ANO10: variants seen among roughly 807,000 people sequenced by gnomAD.
ANO10 encodes anoctamin 10, also known as anoctamin-10.
In ANO10, 77 loss-of-function variants were observed where a neutral mutation model predicts 74.7. That is an observed-to-expected ratio of 1.03 (90% CI 0.86 to 1.25). ANO10 has a LOEUF of 1.25. Ranked by LOEUF, ANO10 falls within the 50% of genes most tolerant of loss-of-function variation. The pLI, the probability that ANO10 is intolerant of heterozygous loss-of-function variation, is 0.00. For synonymous variants in ANO10, 279 were observed against 284.9 expected, an observed-to-expected ratio of 0.98 and a Z score of 0.21; for missense variants, 721 against 778.1, an observed-to-expected ratio of 0.93 and a Z score of 0.87.
At chr3:43,536,406 C>T (rs940012449) in intron 11 of ANO10, among the ~76,000 whole-genome samples, 1 of 152,142 alleles carries the variant, frequency 6.6e-6, no homozygotes, top group Non-Finnish European at 1.5e-5. Flanking sequence ...TAGCATATTA[C>T]TTTCTACATA....
chr3:43,685,222 T>C (rs2084259960), intron 1 of ANO10, among the ~76,000 whole-genome samples: 1 of 152,226 alleles, frequency 6.6e-6, no homozygotes, highest in Non-Finnish European at 1.5e-5. Context: ...ATTTCTGATA[T>C]TGTTCATTTT....
intron 1 of ANO10, chr3:43,691,296 A>C: frequency 5.1e-5 from 16 of 312,258 alleles, no homozygotes; most frequent in East Asian, 9.9e-5. Flanking sequence ...GGCCGCCTTG[A>C]CCCCGCGCGG....
At chr3:43,439,715 CA>C (rs968885542) in intron 11 of ANO10, among the ~76,000 whole-genome samples, 11 of 151,304 alleles carry the variant, frequency 7.3e-5, no homozygotes, top group Non-Finnish European at 1.3e-4. Flanking sequence ...CCCTGTCTCA[CA>C]AAAAAAATAC....
Position 43,600,584 on chromosome 3 carries a change from T to C in ANO10, c.140-3A>G. 6.2e-7 allele frequency: 1 copy of C among 1,602,250 alleles called. No homozygotes were observed. Among genetic ancestry groups the C allele is most frequent in the East Asian group, 2.2e-5 (1 of 44,776 alleles). ...TGGTCTAAACAACAACTGGGCACCT[T>C]CAAAAACAAAAGATAAGCACAATCT... On this transcript the variant is annotated splice_region_variant and splice_polypyrimidine_tract_variant and intron_variant, in intron 2 of 12. Transcript: ENST00000292246.
At chr3:43,620,343 T>C (rs1448916266) in intron 1 of ANO10, among the ~76,000 whole-genome samples, 1 of 152,158 alleles carries the variant, frequency 6.6e-6, no homozygotes, top group African/African-American at 2.4e-5. Context: ...TAGGTAACAA[T>C]ACTACCCTAA....
chr3:43,683,026 A>C (rs1322430255), intron 1 of ANO10, among the ~76,000 whole-genome samples: 2 of 152,232 alleles, frequency 1.3e-5, no homozygotes, highest in Admixed American at 6.5e-5. Context: ...GGCACAAGAC[A>C]GGGATGCCGT....
intron 12 of ANO10, among the ~76,000 whole-genome samples, chr3:43,406,530 T>C (rs1432059728): frequency 6.9e-6 from 1 of 145,186 alleles, no homozygotes; most frequent in Non-Finnish European, 1.5e-5. Context: ...TATGAGCACA[T>C]GGAGAACTGC....
chr3:43,640,097 T>G (rs1286400599), intron 1 of ANO10, among the ~76,000 whole-genome samples: 1 of 152,160 alleles, frequency 6.6e-6, no homozygotes, highest in African/African-American at 2.4e-5. Flanking sequence ...AATGAACCAC[T>G]CTACAAAGCT....
chr3:43,643,027 T>C, intron 1 of ANO10, among the ~76,000 whole-genome samples: 1 of 150,322 alleles, frequency 6.7e-6, no homozygotes. Context: ...GTATTTTCTT[T>C]TCTTTTTTCT....
At chr3:43,690,775 C>T (rs951272029) in intron 1 of ANO10, 4 of 435,948 alleles carry the variant, frequency 9.2e-6, no homozygotes, top group East Asian at 3.8e-5. Context: ...GAGCGTCGGG[C>T]GGGAGAACTA....
At chr3:43,431,992 T>C (rs72863689) in intron 12 of ANO10, among the ~76,000 whole-genome samples, 2 of 152,136 alleles carry the variant, frequency 1.3e-5, no homozygotes, top group African/African-American at 4.8e-5. Flanking sequence ...GATTCTCTCA[T>C]TTCTTAAATT....
chr3:43,668,515 AAG>A (rs1400058153), intron 1 of ANO10, among the ~76,000 whole-genome samples: 1 of 152,056 alleles, frequency 6.6e-6, no homozygotes, highest in Non-Finnish European at 1.5e-5. Flanking sequence ...CAGTGTCTAG[AAG>A]AGTTTTTTCT....
At chr3:43,398,300 T>C (rs909361119) in intron 12 of ANO10, among the ~76,000 whole-genome samples, 6 of 152,250 alleles carry the variant, frequency 3.9e-5, no homozygotes, top group African/African-American at 1.4e-4. Flanking sequence ...ATTTTGTACA[T>C]GACATAGATT....
chr3:43,685,884 A>G lies in ANO10; in HGVS notation c.-12+5633T>C, dbSNP rs116857315. ...CAAAAAAGATTTTCTAATCTGTTCC[A>G]TCTTTTGCAGTTTTATTGTGCCTTT... On this transcript the variant is annotated intron_variant, in intron 1 of 3. Coordinates refer to the ANO10 transcript ENST00000413397. Among the ~76,000 whole-genome samples, 101 of 152,266 alleles carry G rather than the reference A, an allele frequency of 6.6e-4. 1 individual carries two copies. In the East Asian group the frequency reaches 0.018, roughly 27 times the overall value.
chr3:43,441,708 G>T (rs2093162946), intron 11 of ANO10, among the ~76,000 whole-genome samples: 1 of 151,866 alleles, frequency 6.6e-6, no homozygotes, highest in Admixed American at 6.6e-5. Context: ...ATTTAAAAAA[G>T]AAAACTATAG....
At chr3:43,663,684 T>G (rs1280740060) in intron 1 of ANO10, among the ~76,000 whole-genome samples, 1 of 152,136 alleles carries the variant, frequency 6.6e-6, no homozygotes, top group Non-Finnish European at 1.5e-5. Flanking sequence ...ATAAGCAACT[T>G]CAGCAGTACC....
intron 1 of ANO10, among the ~76,000 whole-genome samples, chr3:43,608,269 T>C (rs1559775576): frequency 6.6e-6 from 1 of 152,166 alleles, no homozygotes; most frequent in African/African-American, 2.4e-5. Flanking sequence ...CCCAAGAGAA[T>C]ATTATGGCTA....
intron 12 of ANO10, among the ~76,000 whole-genome samples, chr3:43,377,972 G>A (rs1194605863): frequency 1.3e-4 from 20 of 152,208 alleles, no homozygotes; most frequent in Non-Finnish European, 8.8e-5. Flanking sequence ...AGGTAATCCA[G>A]TGTCCAGCCT....
At chr3:43,601,561 C>A (rs1029583876) in intron 2 of ANO10, among the ~76,000 whole-genome samples, 2 of 152,074 alleles carry the variant, frequency 1.3e-5, no homozygotes, top group Non-Finnish European at 2.9e-5. Flanking sequence ...ACAGGAATTA[C>A]GAAAATATTA....
Sources: gnomAD v4.1 joint callset for allele counts (sites outside exome capture counted in the v4.1 genomes callset) on GRCh38, gnomAD v4.1.1 for gene constraint, MANE v1.5 for transcripts, NCBI Gene and HGNC (gene_info 2026-07-23, HGNC 2026-07-21) for gene names.